The following FGF12 variants were observed in gnomAD, a reference collection of about 807,000 sequenced individuals.
The protein encoded by FGF12 is fibroblast growth factor 12B.
Under a neutral mutation model 23.6 loss-of-function variants are expected in FGF12, and 14 were observed. The ratio of observed to expected loss-of-function variants is 0.59; its 90% confidence interval spans 0.39 to 0.93. The LOEUF is 0.93. Among genes scored for constraint, FGF12 ranks in the 40% least tolerant of loss-of-function variants. FGF12 has a pLI of 0.00. For missense variants in FGF12, 175 were observed against 217.8 expected (o/e 0.80, Z 1.24); for synonymous variants, 62 against 77.3 (o/e 0.80, Z 1.04).
chr3:192,492,487 A>G (rs1372005440), intron 2 of FGF12, among the ~76,000 whole-genome samples: 1 of 152,124 alleles, frequency 6.6e-6, no homozygotes, highest in East Asian at 1.9e-4. Context: ...TACACATTGC[A>G]GAGTTTTTTG....
At chr3:192,270,883 T>C (rs1298746406) in intron 4 of FGF12, among the ~76,000 whole-genome samples, 2 of 152,048 alleles carry the variant, frequency 1.3e-5, no homozygotes, top group Non-Finnish European at 2.9e-5. Flanking sequence ...TAGGGAGATA[T>C]AATGGGTGTT....
intron 4 of FGF12, among the ~76,000 whole-genome samples, chr3:192,175,530 A>G (rs1362976094): frequency 6.6e-6 from 1 of 152,222 alleles, no homozygotes; most frequent in Non-Finnish European, 1.5e-5. Flanking sequence ...CTTTGACTTC[A>G]GCAGAAAATG....
chr3:192,451,679 A>T (rs1722525267), intron 2 of FGF12, among the ~76,000 whole-genome samples: 1 of 152,220 alleles, frequency 6.6e-6, no homozygotes, highest in Non-Finnish European at 1.5e-5. Flanking sequence ...ACATATATTT[A>T]GGATTTTGCA....
At chr3:192,243,100 G>A (rs963338385) in intron 4 of FGF12, among the ~76,000 whole-genome samples, 9 of 151,930 alleles carry the variant, frequency 5.9e-5, no homozygotes, top group Admixed American at 2.0e-4. Flanking sequence ...TACTTCTGAG[G>A]TAATCAAAAC....
intron 2 of FGF12, among the ~76,000 whole-genome samples, chr3:192,649,245 A>G (rs897849069): frequency 2.6e-5 from 4 of 152,184 alleles, no homozygotes; most frequent in African/African-American, 9.6e-5. Context: ...TAGAGGATTG[A>G]TCGCCACAGC....
At chr3:192,207,377 C>T (rs911498097) in intron 4 of FGF12, among the ~76,000 whole-genome samples, 1 of 152,134 alleles carries the variant, frequency 6.6e-6, no homozygotes, top group African/African-American at 2.4e-5. Flanking sequence ...ATTGCTATGA[C>T]AATAAAGAGG....
At chr3:192,300,683 CA>C (rs1715293695) in intron 4 of FGF12, among the ~76,000 whole-genome samples, 1 of 152,042 alleles carries the variant, frequency 6.6e-6, no homozygotes, top group Admixed American at 6.6e-5. Flanking sequence ...CTAGACTTCA[CA>C]AGACTGCCAA....
intron 4 of FGF12, among the ~76,000 whole-genome samples, chr3:192,294,093 G>A (rs1446514047): frequency 5.3e-5 from 8 of 152,090 alleles, no homozygotes; most frequent in South Asian, 2.1e-4. Flanking sequence ...AGGGGTTTCC[G>A]CTTTCACTTT....
chr3:192,401,693 G>T (rs1175441853), intron 2 of FGF12, among the ~76,000 whole-genome samples: 5 of 152,096 alleles, frequency 3.3e-5, no homozygotes, highest in African/African-American at 1.2e-4. Context: ...TTGGACCCTA[G>T]ATTAAAATAC....
At chr3:192,163,278 T>C (rs2108607452) in intron 5 of FGF12, among the ~76,000 whole-genome samples, 1 of 152,300 alleles carries the variant, frequency 6.6e-6, no homozygotes, top group South Asian at 2.1e-4. Context: ...ACTTGATTTC[T>C]ATTAGGTTGC....
At chr3:192,234,855 A>G (rs1464123445) in intron 4 of FGF12, among the ~76,000 whole-genome samples, 1 of 152,166 alleles carries the variant, frequency 6.6e-6, no homozygotes, top group Non-Finnish European at 1.5e-5. Flanking sequence ...ATTGATATTC[A>G]TATGATGAGC....
chr3:192,571,156 A>T (rs1712616903), intron 2 of FGF12, among the ~76,000 whole-genome samples: 1 of 152,244 alleles, frequency 6.6e-6, no homozygotes, highest in African/African-American at 2.4e-5. Flanking sequence ...ACTGCTGTTA[A>T]CACAGTTAAT....
At chr3:192,421,884 T>A (rs1043152721) in intron 2 of FGF12, among the ~76,000 whole-genome samples, 1 of 152,060 alleles carries the variant, frequency 6.6e-6, no homozygotes, top group African/African-American at 2.4e-5. Flanking sequence ...GTTCTCCCAA[T>A]TTTAGTTCAA....
intron 4 of FGF12, among the ~76,000 whole-genome samples, chr3:192,331,460 G>C (rs2108693240): frequency 6.6e-6 from 1 of 152,076 alleles, no homozygotes; most frequent in African/African-American, 2.4e-5. Context: ...TAGATGAATA[G>C]ATAAACAGAA....
At chr3:192,198,081 T>C (rs777773902) in intron 4 of FGF12, among the ~76,000 whole-genome samples, 26 of 152,054 alleles carry the variant, frequency 1.7e-4, no homozygotes, top group Non-Finnish European at 3.2e-4. Context: ...ACTTTATAGT[T>C]TTGTACAAAT....
intron 2 of FGF12, among the ~76,000 whole-genome samples, chr3:192,385,202 TGTTA>T (rs971324551): frequency 2.1e-4 from 32 of 152,246 alleles, no homozygotes; most frequent in African/African-American, 6.7e-4. Flanking sequence ...TGTGGAGTTC[TGTTA>T]GTATTTATTT....
intron 2 of FGF12, among the ~76,000 whole-genome samples, chr3:192,370,237 A>G (rs1719166586): frequency 6.6e-6 from 1 of 152,210 alleles, no homozygotes; most frequent in Admixed American, 6.5e-5. Flanking sequence ...CTAATTATAC[A>G]TCTCTATCAG....
At chr3:192,147,263 T>C (rs981067736) in intron 5 of FGF12, among the ~76,000 whole-genome samples, 6 of 152,210 alleles carry the variant, frequency 3.9e-5, no homozygotes, top group Admixed American at 1.3e-4. Context: ...TTCAGTAATA[T>C]ATCTAAGAAG....
intron 4 of FGF12, among the ~76,000 whole-genome samples, chr3:192,310,616 T>C (rs1274442088): frequency 6.6e-6 from 1 of 152,198 alleles, no homozygotes; most frequent in Non-Finnish European, 1.5e-5. Context: ...TATTATAAAA[T>C]ATCTCACAAT....
Sources: gnomAD v4.1 joint callset for allele counts (sites outside exome capture counted in the v4.1 genomes callset) on GRCh38, gnomAD v4.1.1 for gene constraint, MANE v1.5 for transcripts, NCBI Gene and HGNC (gene_info 2026-07-23, HGNC 2026-07-21) for gene names.